The following ZNF804B variants were observed in gnomAD, a reference collection of about 807,000 sequenced individuals.
ZNF804B encodes zinc finger protein 804B.
ZNF804B carries 80 observed loss-of-function variants against 101.4 expected under a neutral mutation model. The observed-to-expected ratio is 0.79, with a 90% CI of 0.66 to 0.95. The LOEUF (loss-of-function observed/expected upper bound fraction) is 0.95, where lower values mean the gene tolerates loss of function less well. ZNF804B is among the 40% of genes least tolerant of loss of function. The pLI, the probability that ZNF804B is intolerant of heterozygous loss-of-function variation, is 0.00. For synonymous variants in ZNF804B, 622 were observed against 558.8 expected, an observed-to-expected ratio of 1.11 and a Z score of -1.59; for missense variants, 1,673 against 1,561.9, an observed-to-expected ratio of 1.07 and a Z score of -1.20.
At chr7:88,804,483 T>C (rs1790655592) in intron 1 of ZNF804B, among the ~76,000 whole-genome samples, 1 of 152,136 alleles carries the variant, frequency 6.6e-6, no homozygotes, top group Non-Finnish European at 1.5e-5. Context: ...TTATGTTTCT[T>C]TTATCTTCTT....
intron 1 of ZNF804B, among the ~76,000 whole-genome samples, chr7:88,838,295 C>T (rs1381636257): frequency 6.6e-6 from 1 of 151,714 alleles, no homozygotes; most frequent in African/African-American, 2.4e-5. Flanking sequence ...ATAATTTTCC[C>T]AAATCATAAG....
chr7:88,854,476 T>TCTTTCCTTTCCTTTCCTTTC (rs1554340147), intron 1 of ZNF804B, among the ~76,000 whole-genome samples: 6 of 48,754 alleles, frequency 1.2e-4, no homozygotes, highest in African/African-American at 3.3e-4. Context: ...TCTTTCTTTC[T>TCTTTCCTTTCCTTTCCTTTC]CTTTCCTTTC....
At chr7:89,240,651 A>G (rs1346194038) in intron 2 of ZNF804B, among the ~76,000 whole-genome samples, 2 of 151,774 alleles carry the variant, frequency 1.3e-5, no homozygotes, top group Non-Finnish European at 2.9e-5. Context: ...AGTGCATCTC[A>G]ATTGATTTTT....
chr7:89,051,562 A>T (rs543555378), intron 1 of ZNF804B, among the ~76,000 whole-genome samples: 1 of 152,148 alleles, frequency 6.6e-6, no homozygotes, highest in Non-Finnish European at 1.5e-5. Flanking sequence ...ATATATGCCA[A>T]TCTGATAAGA....
At chr7:89,314,228 A>C (rs532566073) in intron 2 of ZNF804B, among the ~76,000 whole-genome samples, 3 of 152,310 alleles carry the variant, frequency 2.0e-5, no homozygotes, top group South Asian at 2.1e-4. Flanking sequence ...TAAACACATA[A>C]ATTATTTAAG....
intron 2 of ZNF804B, among the ~76,000 whole-genome samples, chr7:89,261,278 T>C (rs11971815): frequency 1.2e-4 from 18 of 152,182 alleles, no homozygotes; most frequent in African/African-American, 4.1e-4. Flanking sequence ...TGTAATAGAC[T>C]TGTGATATTT....
intron 1 of ZNF804B, among the ~76,000 whole-genome samples, chr7:89,210,531 G>T (rs956268616): frequency 2.6e-5 from 4 of 152,034 alleles, no homozygotes; most frequent in African/African-American, 9.7e-5. Flanking sequence ...AGTATGTGTT[G>T]CTCTCCTCCC....
intron 2 of ZNF804B, among the ~76,000 whole-genome samples, chr7:89,315,056 A>G (rs1317021809): frequency 6.6e-6 from 1 of 152,176 alleles, no homozygotes; most frequent in Non-Finnish European, 1.5e-5. Flanking sequence ...AGGAAGTATG[A>G]TGCTGGCATC....
At chr7:89,148,327 A>G (rs931470317) in intron 1 of ZNF804B, among the ~76,000 whole-genome samples, 1 of 152,092 alleles carries the variant, frequency 6.6e-6, no homozygotes, top group Non-Finnish European at 1.5e-5. Context: ...TAATCATATT[A>G]GTTACTAGTG....
chr7:89,288,583 T>C (rs1481262954), intron 2 of ZNF804B, among the ~76,000 whole-genome samples: 1 of 152,152 alleles, frequency 6.6e-6, no homozygotes, highest in African/African-American at 2.4e-5. Flanking sequence ...CATAAAATAA[T>C]GGAAACACAT....
intron 1 of ZNF804B, among the ~76,000 whole-genome samples, chr7:89,108,763 A>G (rs4141350): frequency 0.47 from 71,994 of 151,974 alleles, 18,399 homozygotes; most frequent in East Asian, 0.68. Context: ...TGAAAAGTAG[A>G]GAAGAAATGA....
intron 2 of ZNF804B, among the ~76,000 whole-genome samples, chr7:89,293,359 A>G (rs1446194402): frequency 6.6e-6 from 1 of 152,228 alleles, no homozygotes. Context: ...TGAAAATATG[A>G]CATTTACTCC....
At chr7:88,821,317 A>G (rs965111235) in intron 1 of ZNF804B, among the ~76,000 whole-genome samples, 13 of 152,172 alleles carry the variant, frequency 8.5e-5, no homozygotes, top group African/African-American at 1.4e-4. Flanking sequence ...CTTAAATCCT[A>G]CTTTAAATAA....
intron 1 of ZNF804B, among the ~76,000 whole-genome samples, chr7:89,088,975 C>T (rs1449967620): frequency 6.6e-6 from 1 of 151,922 alleles, no homozygotes; most frequent in Non-Finnish European, 1.5e-5. Context: ...ACCTCCCTTG[C>T]CACATTCCCC....
chr7:89,044,109 TG>T (rs1418931775), intron 1 of ZNF804B, among the ~76,000 whole-genome samples: 1 of 152,166 alleles, frequency 6.6e-6, no homozygotes, highest in African/African-American at 2.4e-5. Context: ...AGGCATTCAG[TG>T]GAAGGTAACT....
chr7:89,013,113 C>T (rs1221231507), intron 1 of ZNF804B, among the ~76,000 whole-genome samples: 1 of 152,176 alleles, frequency 6.6e-6, no homozygotes, highest in East Asian at 1.9e-4. Context: ...ATTACCTCCA[C>T]CTGGTCCTGC....
In ZNF804B at chr7:89,052,937, G is replaced by A. The variant is rs994571598; in HGVS notation, c.109-165218G>A. ...CACATTTTTCTGTCACCTAGTTAGT[G>A]TAAAACTTGTCTGTATTCCTCCAGC... On this transcript the variant is annotated intron_variant, in intron 1 of 3. Coordinates refer to ENST00000333190, the MANE Select transcript of ZNF804B (RefSeq NM_181646.5). Among the ~76,000 whole-genome samples, 168 of 152,114 alleles carry A rather than the reference G, an allele frequency of 1.1e-3. 2 individuals are homozygous for A. The highest frequency in any genetic ancestry group is 6.6e-4 in the Admixed American group (10 of 15,254).
intron 1 of ZNF804B, among the ~76,000 whole-genome samples, chr7:88,941,374 G>A (rs372715934): frequency 7.9e-5 from 12 of 151,956 alleles, no homozygotes; most frequent in East Asian, 3.9e-4. Flanking sequence ...GATGTCCTTC[G>A]TTGAGTGGAT....
At chr7:89,225,748 C>T (rs191339790) in intron 2 of ZNF804B, among the ~76,000 whole-genome samples, 9 of 152,128 alleles carry the variant, frequency 5.9e-5, no homozygotes, top group Non-Finnish European at 8.8e-5. Context: ...AATATTTGAT[C>T]CCATATTATT....
Sources: gnomAD v4.1 joint callset for allele counts (sites outside exome capture counted in the v4.1 genomes callset) on GRCh38, gnomAD v4.1.1 for gene constraint, MANE v1.5 for transcripts, NCBI Gene and HGNC (gene_info 2026-07-23, HGNC 2026-07-21) for gene names.